The following TAS2R1 variants were observed in gnomAD, a reference collection of about 807,000 sequenced individuals.
TAS2R1 encodes the protein taste receptor type 2 member 1.
For missense variants in TAS2R1, 370 were observed against 353.4 expected (o/e 1.05, Z -0.38); for synonymous variants, 141 against 134.2 (o/e 1.05, Z -0.35).
At chr5:9,892,745 C>A in the TAS2R1 span, among the ~76,000 whole-genome samples, 1 of 152,150 alleles carries the variant, frequency 6.6e-6, no homozygotes, top group African/African-American at 2.4e-5. Flanking sequence ...TTGGAACTTC[C>A]CCTCCCTGAA....
chr5:9,684,876 GC>G (rs1741096033), intron 1 of TAS2R1, among the ~76,000 whole-genome samples: 1 of 152,072 alleles, frequency 6.6e-6, no homozygotes, highest in Non-Finnish European at 1.5e-5. Flanking sequence ...AAAAAGACAA[GC>G]TTTGAAATCA....
chr5:9,826,823 G>GT, the TAS2R1 span, among the ~76,000 whole-genome samples: 10,951 of 151,870 alleles, frequency 0.072, 908 homozygotes, highest in East Asian at 0.24. Flanking sequence ...TGGAAACCTT[G>GT]TTTTTTCCAT....
At position 9,627,740 on chromosome 5, in the gene TAS2R1, G is replaced by C. The variant is rs573863844; in HGVS notation, c.*1393C>G. Among the ~76,000 whole-genome samples, 3 of 152,316 alleles carry C rather than the reference G, an allele frequency of 2.0e-5. No individual in the cohort carries two copies. The South Asian group carries it at 6.2e-4, about 32-fold the overall frequency. On this transcript the variant is annotated 3_prime_UTR_variant, in exon 1 of 1. Coordinates refer to ENST00000382492, the MANE Select transcript of TAS2R1 (RefSeq NM_019599.3). ...GATTAGCTACAAACCTTCCTACCTA[G>C]TGGGACGTGGGAAAATGAAATAGCA... is the stretch of plus-strand genomic sequence containing the variant.
chr5:9,881,610 T>C, the TAS2R1 span, among the ~76,000 whole-genome samples: 2 of 152,052 alleles, frequency 1.3e-5, no homozygotes, highest in African/African-American at 2.4e-5. Context: ...TCAAACTATA[T>C]TACAAGGCTA....
the TAS2R1 span, among the ~76,000 whole-genome samples, chr5:9,857,936 G>C: frequency 6.6e-6 from 1 of 152,122 alleles, no homozygotes. Context: ...GCAGACCCTG[G>C]TGCCTGGGTC....
At chr5:9,684,124 A>T (rs549950839) in intron 1 of TAS2R1, among the ~76,000 whole-genome samples, 1 of 152,352 alleles carries the variant, frequency 6.6e-6, no homozygotes, top group African/African-American at 2.4e-5. Context: ...CACTATTCAC[A>T]ATAGCCAAAA....
intron 1 of TAS2R1, among the ~76,000 whole-genome samples, chr5:9,708,798 T>C (rs373299970): frequency 2.6e-5 from 4 of 152,278 alleles, no homozygotes; most frequent in African/African-American, 7.2e-5. Context: ...ACTCTCGACA[T>C]TTATTGCTAT....
chr5:9,778,145 G>A, the TAS2R1 span, among the ~76,000 whole-genome samples: 1 of 151,924 alleles, frequency 6.6e-6, no homozygotes, highest in Non-Finnish European at 1.5e-5. Flanking sequence ...CTCCCAAAGT[G>A]CTGGGATTAC....
chr5:9,882,509 C>T, the TAS2R1 span, among the ~76,000 whole-genome samples: 2 of 152,046 alleles, frequency 1.3e-5, no homozygotes, highest in East Asian at 3.9e-4. Flanking sequence ...GCCTGTAATC[C>T]CAGCTACTTG....
At chr5:9,869,738 C>T in the TAS2R1 span, among the ~76,000 whole-genome samples, 1 of 152,186 alleles carries the variant, frequency 6.6e-6, no homozygotes, top group Admixed American at 6.5e-5. Context: ...CACCTGGTTT[C>T]CCCATGACTT....
At chr5:9,899,334 G>A in the TAS2R1 span, among the ~76,000 whole-genome samples, 1 of 152,082 alleles carries the variant, frequency 6.6e-6, no homozygotes, top group Non-Finnish European at 1.5e-5. Context: ...TTGAACACAA[G>A]ACAGCAAAAT....
chr5:9,760,610 A>G, the TAS2R1 span, among the ~76,000 whole-genome samples: 6 of 152,206 alleles, frequency 3.9e-5, no homozygotes, highest in African/African-American at 1.4e-4. Flanking sequence ...ATATCAATGG[A>G]TGTAGAAAAA....
At chr5:9,751,068 T>C in the TAS2R1 span, among the ~76,000 whole-genome samples, 1 of 151,564 alleles carries the variant, frequency 6.6e-6, no homozygotes, top group African/African-American at 2.4e-5. Flanking sequence ...AGTCAGGAGC[T>C]GGATGTCTTT....
the TAS2R1 span, among the ~76,000 whole-genome samples, chr5:9,750,552 C>T: frequency 1.3e-5 from 2 of 152,178 alleles, no homozygotes; most frequent in East Asian, 1.9e-4. Flanking sequence ...CAGATATTGG[C>T]GAAAACTAGA....
At chr5:9,662,283 C>A (rs1345942416) in intron 1 of TAS2R1, among the ~76,000 whole-genome samples, 3 of 152,184 alleles carry the variant, frequency 2.0e-5, no homozygotes, top group Non-Finnish European at 4.4e-5. Context: ...CATCATTACC[C>A]CCAAATATCA....
chr5:9,847,995 G>T, the TAS2R1 span, among the ~76,000 whole-genome samples: 21 of 152,314 alleles, frequency 1.4e-4, no homozygotes, highest in African/African-American at 4.8e-4. Context: ...TCTGGAGTGG[G>T]ACTGGATCCC....
At chr5:9,903,866 G>A in the TAS2R1 span, 1 of 152,168 alleles carries the variant, frequency 6.6e-6, no homozygotes, top group South Asian at 2.1e-4. Flanking sequence ...ACAGATGGGA[G>A]TATGGTTCCT....
the TAS2R1 span, among the ~76,000 whole-genome samples, chr5:9,843,488 G>A: frequency 1.4e-4 from 22 of 152,162 alleles, no homozygotes; most frequent in South Asian, 4.6e-3. Context: ...CTTTTAATCT[G>A]TTCTCTATAA....
the TAS2R1 span, among the ~76,000 whole-genome samples, chr5:9,861,037 G>GTTTTTTTTTTTTTTTTTTTGTTTTT: frequency 1.1e-5 from 1 of 88,612 alleles, no homozygotes. Context: ...GGAAGATGAG[G>GTTTTTTTTTTTTTTTTTTTGTTTTT]TTTTTTTTTT....
Sources: allele counts gnomAD v4.1 joint callset (sites outside exome capture counted in the v4.1 genomes callset), GRCh38; gene constraint gnomAD v4.1.1; transcripts MANE v1.5; gene names NCBI Gene and HGNC (gene_info 2026-07-23, HGNC 2026-07-21).